The following CFAP54 variants were observed in gnomAD, a reference collection of about 807,000 sequenced individuals.
The protein encoded by CFAP54 is cilia- and flagella-associated protein 54.
In CFAP54, 290 loss-of-function variants were observed where a neutral mutation model predicts 370.4. That is an observed-to-expected ratio of 0.78 (90% CI 0.71 to 0.86). The LOEUF is 0.86. Among genes scored for constraint, CFAP54 ranks in the 40% least tolerant of loss-of-function variants. CFAP54 has a pLI of 0.00. For missense variants in CFAP54, 3,399 were observed against 3,528.7 expected (o/e 0.96, Z 0.93); for synonymous variants, 1,206 against 1,236.5 (o/e 0.98, Z 0.52).
At chr12:96,562,630 A>G (rs549995349) in intron 17 of CFAP54, among the ~76,000 whole-genome samples, 1 of 151,900 alleles carries the variant, frequency 6.6e-6, no homozygotes, top group African/African-American at 2.4e-5. Flanking sequence ...GGGTTTTGCC[A>G]TGTTGGCCAG....
intron 36 of CFAP54, among the ~76,000 whole-genome samples, chr12:96,654,613 T>C (rs1455412549): frequency 6.6e-6 from 1 of 152,188 alleles, no homozygotes; most frequent in African/African-American, 2.4e-5. Flanking sequence ...CAGTACATTT[T>C]CGTGAAGTAT....
At chr12:96,803,867 A>T (rs1272124145) in intron 63 of CFAP54, among the ~76,000 whole-genome samples, 5 of 152,162 alleles carry the variant, frequency 3.3e-5, no homozygotes, top group Non-Finnish European at 7.4e-5. Context: ...GGACCACAAC[A>T]GTCATCCAGC....
chr12:96,665,111 GT>G (rs71068822), intron 39 of CFAP54, among the ~76,000 whole-genome samples: 128,570 of 146,524 alleles, frequency 0.88, 56,504 homozygotes, highest in East Asian at 0.96. Context: ...CCACATGTAT[GT>G]TTTTTTTTTT....
intron 66 of CFAP54, among the ~76,000 whole-genome samples, chr12:96,857,173 C>A (rs1959727598): frequency 6.6e-6 from 1 of 152,160 alleles, no homozygotes; most frequent in African/African-American, 2.4e-5. Flanking sequence ...CGGGTCCCTC[C>A]CGTGACACAT....
At chr12:96,760,618 C>T (rs7299994) in intron 58 of CFAP54, among the ~76,000 whole-genome samples, 36,054 of 152,074 alleles carry the variant, frequency 0.24, 4,488 homozygotes, top group South Asian at 0.29. Flanking sequence ...CTGCAACCTC[C>T]GCCTCCTGGG....
chr12:96,550,520 T>G (rs571908527), intron 15 of CFAP54, among the ~76,000 whole-genome samples: 3 of 152,234 alleles, frequency 2.0e-5, no homozygotes, highest in Non-Finnish European at 2.9e-5. Context: ...GAGGTTGCAG[T>G]GAGCCAAGAT....
rs1955479646 is a variant in CFAP54, at chr12:96,534,349, A to T, written c.1705+122A>T. ...AGAGGTACAAAGGCCCTGAGACAAG[A>T]GTGTGTTTGGTGATTGCAGGAATGG... On this transcript the variant is annotated intron_variant, in intron 11 of 67. Transcript: ENST00000524981. 8.2e-6 allele frequency: 5 copies of T among 612,948 alleles called. No individual in the cohort carries two copies. In the East Asian group the frequency reaches 1.4e-4, roughly 17 times the overall value. 38.0% of individuals were successfully genotyped at this position (612,948 alleles called of 1,614,324 possible). A position where few individuals can be genotyped will look rare whatever the true frequency, so the allele number is the denominator to read the frequency against.
At chr12:96,630,519 T>C in intron 31 of CFAP54, 32 bp from the exon 32 acceptor site, 2 of 1,199,518 alleles carry the variant, frequency 1.7e-6, no homozygotes, top group Non-Finnish European at 2.2e-6. Flanking sequence ...AAGTTTAAAT[T>C]TAACTTGTAA....
chr12:96,847,341 C>T (rs185873879), intron 66 of CFAP54, among the ~76,000 whole-genome samples: 76 of 152,162 alleles, frequency 5.0e-4, no homozygotes, highest in Non-Finnish European at 8.4e-4. Flanking sequence ...GAGCTCCCCT[C>T]CCTCCCTGTG....
chr12:96,530,145 G>A (rs1477661338), intron 9 of CFAP54, among the ~76,000 whole-genome samples: 1 of 152,146 alleles, frequency 6.6e-6, no homozygotes, highest in Admixed American at 6.6e-5. Context: ...TGTGTTGTCT[G>A]TTTTTTCACT....
intron 1 of CFAP54, among the ~76,000 whole-genome samples, chr12:96,493,007 A>G (rs1444919561): frequency 6.6e-6 from 1 of 152,140 alleles, no homozygotes; most frequent in East Asian, 1.9e-4. Flanking sequence ...AAAAAAAAAA[A>G]AAGAGTTATT....
rs776049831 is a variant in CFAP54, at chr12:96,792,289, AT to A, written c.8680-38del. ...TTTGTTTCATATATGTAACAAATTT[AT>A]TACCAGTAATTAAACTGATGTTTTT... On this transcript the variant is annotated intron_variant, in intron 62 of 67. Transcript: ENST00000524981. The A allele has an allele frequency of 6.9e-5, 98 of 1,424,116 alleles. No individual in the cohort carries two copies. In the South Asian group the frequency reaches 1.4e-3, roughly 21 times the overall value. The allele number at this position is 1,424,116 out of a possible 1,614,324, so 88.2% of individuals were successfully genotyped here.
chr12:96,701,633 G>A (rs905286266), intron 46 of CFAP54, among the ~76,000 whole-genome samples: 4 of 152,130 alleles, frequency 2.6e-5, no homozygotes, highest in African/African-American at 4.8e-5. Flanking sequence ...TAATAAGCAA[G>A]TTTTGAGGGA....
intron 63 of CFAP54, among the ~76,000 whole-genome samples, chr12:96,811,105 A>G (rs186850697): frequency 6.6e-6 from 1 of 152,298 alleles, no homozygotes; most frequent in Non-Finnish European, 1.5e-5. Flanking sequence ...GCTTTCTTAT[A>G]TCTGAAATGA....
At chr12:96,778,635 A>C (rs1740978018) in intron 60 of CFAP54, among the ~76,000 whole-genome samples, 2 of 152,150 alleles carry the variant, frequency 1.3e-5, no homozygotes, top group Admixed American at 1.3e-4. Context: ...CTCTTCTCTG[A>C]TTTACTGAAA....
chr12:96,628,384 C>T (rs1389350014), intron 30 of CFAP54, among the ~76,000 whole-genome samples: 1 of 152,068 alleles, frequency 6.6e-6, no homozygotes, highest in East Asian at 1.9e-4. Context: ...TTCTGCTGTG[C>T]GTGGAGGAGA....
intron 67 of CFAP54, among the ~76,000 whole-genome samples, chr12:96,870,310 A>G (rs1273407939): frequency 6.6e-6 from 1 of 152,162 alleles, no homozygotes; most frequent in African/African-American, 2.4e-5. Context: ...GAACTATAAA[A>G]GTTACTTAGT....
chr12:96,748,443 G>A (rs947978387), intron 55 of CFAP54, among the ~76,000 whole-genome samples: 4 of 150,612 alleles, frequency 2.7e-5, no homozygotes, highest in African/African-American at 9.8e-5. Flanking sequence ...CCTTCTTTTC[G>A]TTCATCTTCA....
Position 96,500,946 on chromosome 12 carries a change from G to C in CFAP54, c.423+7G>C, listed in dbSNP as rs2136347835. On this transcript the variant is annotated splice_region_variant and intron_variant, in intron 2 of 67. Coordinates refer to ENST00000524981, the MANE Select transcript of CFAP54 (RefSeq NM_001306084.2). ...TAGCCTTTGTCAAATGAAAGTAAGTGCCTCTGCAGGAAAGAGCCAAAAAGA... is the reference window on the plus strand; with the variant it reads ...TAGCCTTTGTCAAATGAAAGTAAGTCCCTCTGCAGGAAAGAGCCAAAAAGA... The C allele has an allele frequency of 6.6e-7, 1 of 1,509,686 alleles. No individual in the cohort carries two copies. The highest frequency in any genetic ancestry group is 2.5e-5 in the East Asian group (1 of 40,736). The allele number at this position is 1,509,686 out of a possible 1,614,324, so 93.5% of individuals were successfully genotyped here.
Sources: gnomAD v4.1 joint callset for allele counts (sites outside exome capture counted in the v4.1 genomes callset) on GRCh38, gnomAD v4.1.1 for gene constraint, MANE v1.5 for transcripts, NCBI Gene and HGNC (gene_info 2026-07-23, HGNC 2026-07-21) for gene names.